The following CDH13 variants were observed in gnomAD, a reference collection of about 807,000 sequenced individuals.
CDH13 encodes the protein cadherin-13.
CDH13 carries 24 observed loss-of-function variants against 63.8 expected under a neutral mutation model. The observed-to-expected ratio is 0.38, with a 90% CI of 0.27 to 0.53. The LOEUF (loss-of-function observed/expected upper bound fraction) is 0.53, where lower values mean the gene tolerates loss of function less well. CDH13 is among the 20% of genes least tolerant of loss of function. The pLI is 0.85. For synonymous variants in CDH13, 503 were observed against 355.3 expected (o/e 1.42, Z -4.67); for missense variants, 1,049 against 903.1 (o/e 1.16, Z -2.07).
chr16:83,161,163 G>C (rs1334733692), intron 4 of CDH13, among the ~76,000 whole-genome samples: 2 of 152,092 alleles, frequency 1.3e-5, no homozygotes, highest in African/African-American at 4.8e-5. Flanking sequence ...GGCTATATTG[G>C]ACCACTATAC....
intron 4 of CDH13, among the ~76,000 whole-genome samples, chr16:83,207,540 C>T (rs978884210): frequency 6.6e-6 from 1 of 152,090 alleles, no homozygotes; most frequent in Non-Finnish European, 1.5e-5. Context: ...TTGATGGACA[C>T]CTGAGTTGTT....
At chr16:82,805,112 C>G (rs1314179426) in intron 1 of CDH13, among the ~76,000 whole-genome samples, 1 of 152,112 alleles carries the variant, frequency 6.6e-6, no homozygotes, top group East Asian at 1.9e-4. Flanking sequence ...TTGCTTTTCA[C>G]TTTCATTGTG....
intron 1 of CDH13, among the ~76,000 whole-genome samples, chr16:82,651,595 G>A (rs528342987): frequency 1.9e-4 from 29 of 152,328 alleles, no homozygotes; most frequent in Admixed American, 7.8e-4. Context: ...CTCAACACTT[G>A]TAATAACCCT....
intron 10 of CDH13, among the ~76,000 whole-genome samples, chr16:83,712,444 C>G (rs1391078650): frequency 6.6e-6 from 1 of 152,154 alleles, no homozygotes; most frequent in African/African-American, 2.4e-5. Flanking sequence ...AAAATGCAAG[C>G]AAAATAAAAA....
intron 3 of CDH13, among the ~76,000 whole-genome samples, chr16:83,118,106 C>T (rs2035395469): frequency 6.6e-6 from 1 of 152,184 alleles, no homozygotes; most frequent in Non-Finnish European, 1.5e-5. Flanking sequence ...TGCAGCAGGC[C>T]TCGGATGACC....
intron 4 of CDH13, among the ~76,000 whole-genome samples, chr16:83,144,621 G>A (rs984532972): frequency 1.3e-5 from 2 of 152,212 alleles, no homozygotes; most frequent in Admixed American, 1.3e-4. Flanking sequence ...ACTATGCCCA[G>A]ATCCTGCCAA....
chr16:83,044,892 G>C (rs76518063), intron 3 of CDH13, among the ~76,000 whole-genome samples: 10 of 152,270 alleles, frequency 6.6e-5, no homozygotes, highest in African/African-American at 2.4e-4. Context: ...TAAATTTCCA[G>C]CTAGTATATA....
intron 1 of CDH13, among the ~76,000 whole-genome samples, chr16:82,787,990 C>G (rs752224214): frequency 1.6e-4 from 25 of 152,100 alleles, no homozygotes; most frequent in Non-Finnish European, 3.1e-4. Flanking sequence ...TCCCTTCTGT[C>G]CTGAAGCATT....
At chr16:83,714,984 C>T in intron 10 of CDH13, among the ~76,000 whole-genome samples, 1 of 152,040 alleles carries the variant, frequency 6.6e-6, no homozygotes, top group East Asian at 1.9e-4. Context: ...AGCTCAGGTA[C>T]TTGTTATTTG....
chr16:83,656,303 A>G (rs538101885), intron 8 of CDH13, among the ~76,000 whole-genome samples: 1 of 152,302 alleles, frequency 6.6e-6, no homozygotes, highest in South Asian at 2.1e-4. Flanking sequence ...CTTTGCCAAG[A>G]AAAGGGAGAA....
In CDH13 at chr16:82,672,788, C is replaced by T. The variant is rs1028947157; in HGVS notation, c.45+45651C>T. On this transcript the variant is annotated intron_variant, in intron 1 of 13. Coordinates refer to ENST00000567109, the MANE Select transcript of CDH13 (RefSeq NM_001257.5). ...ATGTGTACACACACACACACACACA[C>T]ACACACACACACATACACACACACA... Among the ~76,000 whole-genome samples, 344 of 149,814 alleles carry T rather than the reference C, an allele frequency of 2.3e-3. 2 individuals carry two copies. The highest frequency in any genetic ancestry group is 8.1e-3 in the African/African-American group (331 of 40,818).
intron 4 of CDH13, among the ~76,000 whole-genome samples, chr16:83,154,450 C>G (rs2037121964): frequency 6.6e-6 from 1 of 151,634 alleles, no homozygotes; most frequent in African/African-American, 2.4e-5. Flanking sequence ...ACCTGTGGTC[C>G]CAGCTACTGT....
intron 7 of CDH13, among the ~76,000 whole-genome samples, chr16:83,572,174 T>TGG (rs1056296823): frequency 1.2e-4 from 7 of 58,774 alleles, no homozygotes; most frequent in South Asian, 5.9e-4. Flanking sequence ...CACTTTCCTG[T>TGG]GGTGTGTGTG....
chr16:82,848,028 T>G (rs1304021097), intron 1 of CDH13, among the ~76,000 whole-genome samples: 1 of 152,144 alleles, frequency 6.6e-6, no homozygotes, highest in Non-Finnish European at 1.5e-5. Flanking sequence ...GACTTGCAAT[T>G]TGGGGCATTT....
intron 2 of CDH13, among the ~76,000 whole-genome samples, chr16:82,976,577 C>G (rs1909538020): frequency 6.6e-6 from 1 of 152,152 alleles, no homozygotes; most frequent in South Asian, 2.1e-4. Context: ...TGCCTCAAGA[C>G]AGCCCCAGAT....
At chr16:83,076,328 G>A (rs991019608) in intron 3 of CDH13, among the ~76,000 whole-genome samples, 2 of 152,160 alleles carry the variant, frequency 1.3e-5, no homozygotes, top group African/African-American at 4.8e-5. Flanking sequence ...TATTGTAAGT[G>A]TCTGGATCAG....
Position 83,137,859 on chromosome 16 carries a change from T to C in CDH13, c.483+12358T>C, listed in dbSNP as rs145517180. Among the ~76,000 whole-genome samples the C allele has an allele frequency of 8.7e-4, 128 of 146,854 alleles. 1 individual carries two copies. In the East Asian group the frequency reaches 0.022, roughly 25 times the overall value. On this transcript the variant is annotated intron_variant, in intron 4 of 13. Coordinates refer to ENST00000567109, the MANE Select transcript of CDH13 (RefSeq NM_001257.5). ...ATGGGAAAGAGACCAATAAAGTGTTTTTTGTTTTTTAGGTTTTTTTTTTAA... is the reference window on the plus strand; with the variant it reads ...ATGGGAAAGAGACCAATAAAGTGTTCTTTGTTTTTTAGGTTTTTTTTTTAA...
intron 7 of CDH13, among the ~76,000 whole-genome samples, chr16:83,542,806 C>A (rs2075318468): frequency 6.6e-6 from 1 of 152,196 alleles, no homozygotes; most frequent in Non-Finnish European, 1.5e-5. Context: ...GTCCTAATTT[C>A]TCATTTTTAT....
chr16:82,674,028 G>T (rs192896400), intron 1 of CDH13, among the ~76,000 whole-genome samples: 1 of 152,308 alleles, frequency 6.6e-6, no homozygotes, highest in East Asian at 1.9e-4. Flanking sequence ...CTCGAAGAAG[G>T]GGAACAGAGC....
Sources: gnomAD v4.1 joint callset for allele counts (sites outside exome capture counted in the v4.1 genomes callset) on GRCh38, gnomAD v4.1.1 for gene constraint, MANE v1.5 for transcripts, NCBI Gene and HGNC (gene_info 2026-07-23, HGNC 2026-07-21) for gene names.